B3GALT1: variants seen among roughly 807,000 people sequenced by gnomAD.
The protein encoded by B3GALT1 is beta-1,3-galactosyltransferase 1.
A neutral mutation model predicts 23.2 loss-of-function variants in B3GALT1; 10 were observed. The observed-to-expected ratio is 0.43, with a 90% confidence interval of 0.27 to 0.73. The LOEUF (loss-of-function observed/expected upper bound fraction) is 0.73. B3GALT1 is among the 30% of genes least tolerant of loss of function. The pLI is 0.21. For synonymous variants in B3GALT1, 156 were observed against 141.5 expected (o/e 1.10, Z -0.73); for missense variants, 299 against 405.4 (o/e 0.74, Z 2.25).
chr2:167,805,570 T>A (rs1017697259), intron 3 of B3GALT1, among the ~76,000 whole-genome samples: 5 of 152,336 alleles, frequency 3.3e-5, no homozygotes, highest in Non-Finnish European at 7.3e-5. Context: ...CCCAGCACCA[T>A]TTATTAAATA....
intron 1 of B3GALT1, among the ~76,000 whole-genome samples, chr2:167,466,713 A>G (rs564011662): frequency 9.8e-6 from 1 of 101,840 alleles, no homozygotes; most frequent in African/African-American, 3.5e-5. Context: ...TTTAACTATT[A>G]TCACTCTTTT....
intron 1 of B3GALT1, among the ~76,000 whole-genome samples, chr2:167,375,968 A>G (rs1176136761): frequency 1.3e-5 from 2 of 152,110 alleles, no homozygotes; most frequent in African/African-American, 4.8e-5. Flanking sequence ...TTTGTCATAG[A>G]TGGCTCTTAC....
At chr2:167,298,305 G>A (rs897472094) in intron 1 of B3GALT1, among the ~76,000 whole-genome samples, 6 of 152,086 alleles carry the variant, frequency 3.9e-5, no homozygotes, top group African/African-American at 1.4e-4. Context: ...ATTTGTTAAC[G>A]ATGAAGTATA....
At chr2:167,791,635 G>A (rs1688439336) in intron 3 of B3GALT1, among the ~76,000 whole-genome samples, 2 of 152,170 alleles carry the variant, frequency 1.3e-5, no homozygotes, top group African/African-American at 4.8e-5. Context: ...CATGTGCCCA[G>A]AGGATCCTGT....
chr2:167,474,358 A>G (rs1015202353), intron 1 of B3GALT1, among the ~76,000 whole-genome samples: 3 of 152,170 alleles, frequency 2.0e-5, no homozygotes, highest in African/African-American at 7.2e-5. Flanking sequence ...ATTGTCATCT[A>G]TCCTTTCCCT....
At chr2:167,369,727 A>G (rs1315741053) in intron 1 of B3GALT1, among the ~76,000 whole-genome samples, 1 of 152,208 alleles carries the variant, frequency 6.6e-6, no homozygotes, top group Non-Finnish European at 1.5e-5. Context: ...TCAATACGGC[A>G]TGTGCAGCAG....
intron 3 of B3GALT1, among the ~76,000 whole-genome samples, chr2:167,777,917 A>G (rs6753467): frequency 0.97 from 147,537 of 151,744 alleles, 71,875 homozygotes; most frequent in East Asian, 1. Context: ...TGTCACATCC[A>G]ACAGGAAGCA....
chr2:167,808,976 T>C (rs1688820963), intron 3 of B3GALT1, among the ~76,000 whole-genome samples: 1 of 152,142 alleles, frequency 6.6e-6, no homozygotes, highest in Non-Finnish European at 1.5e-5. Flanking sequence ...GGAGGCTTTG[T>C]TTGTTTCTTT....
At chr2:167,631,239 T>G (rs1255250731) in intron 2 of B3GALT1, among the ~76,000 whole-genome samples, 1 of 151,874 alleles carries the variant, frequency 6.6e-6, no homozygotes, top group East Asian at 1.9e-4. Flanking sequence ...AAACCAATGA[T>G]TCTGTGCAGA....
chr2:167,833,756 G>A (rs1485302190), intron 4 of B3GALT1, among the ~76,000 whole-genome samples: 1 of 152,092 alleles, frequency 6.6e-6, no homozygotes, highest in East Asian at 1.9e-4. Context: ...TACACAAATA[G>A]CTATTCTATC....
chr2:167,667,089 T>A (rs1309074738), intron 3 of B3GALT1, among the ~76,000 whole-genome samples: 2 of 152,152 alleles, frequency 1.3e-5, no homozygotes, highest in African/African-American at 2.4e-5. Context: ...CGGCTGGTAC[T>A]GGTTGTTCCC....
rs367973166 is a variant in B3GALT1 at position 167,555,425 on chromosome 2, G to A, written c.-410+65148G>A. ...TTCTTTCCACTATCCCGTGTTACTA[G>A]GATAAAGTAAAATTCAATCTTTTAT... On this transcript the variant is annotated intron_variant, in intron 2 of 4. Transcript: ENST00000392690. 3.3e-5 allele frequency among the ~76,000 whole-genome samples: 5 copies of A among 152,232 alleles called. No individual in the cohort carries two copies. In the East Asian group the frequency reaches 5.8e-4, roughly 18 times the overall value.
chr2:167,765,767 T>A lies in B3GALT1; in HGVS notation c.-351-52905T>A, dbSNP rs189388187. Among the ~76,000 whole-genome samples the A allele has an allele frequency of 1.1e-3, 170 of 152,346 alleles. 1 individual carries two copies. Among genetic ancestry groups the A allele is most frequent in the Non-Finnish European group, 2.0e-3 (139 of 68,026 alleles). ...CTCTGATAATGTGTGTTAGGAAATG[T>A]CTTTTCTTCATCAGATGAAGATAAA... is the stretch of plus-strand genomic sequence containing the variant. On this transcript the variant is annotated intron_variant, in intron 3 of 4. Coordinates refer to ENST00000392690, the MANE Select transcript of B3GALT1 (RefSeq NM_020981.4).
chr2:167,424,177 C>T (rs1187861211), intron 1 of B3GALT1, among the ~76,000 whole-genome samples: 1 of 151,958 alleles, frequency 6.6e-6, no homozygotes, highest in Non-Finnish European at 1.5e-5. Flanking sequence ...AGTACACATG[C>T]CATAAGTGAA....
At chr2:167,492,497 G>C (rs938193468) in intron 2 of B3GALT1, among the ~76,000 whole-genome samples, 4 of 152,092 alleles carry the variant, frequency 2.6e-5, no homozygotes, top group African/African-American at 4.8e-5. Context: ...ATATACAAAG[G>C]AGTATTATGA....
chr2:167,440,860 T>C (rs1231169433), intron 1 of B3GALT1, among the ~76,000 whole-genome samples: 1 of 152,192 alleles, frequency 6.6e-6, no homozygotes, highest in Non-Finnish European at 1.5e-5. Context: ...ATTTGATCTT[T>C]TTTTCATTTT....
Position 167,592,437 on chromosome 2 carries a change from G to T in B3GALT1, c.-409-54472G>T, listed in dbSNP as rs79871640. On this transcript the variant is annotated intron_variant, in intron 2 of 4. Transcript: ENST00000392690. ...ATGTCTTTATCAGCCCACTTTCTATGGCTGCAGGTTTGTGGACATAGAAAT... is the reference window on the plus strand; with the variant it reads ...ATGTCTTTATCAGCCCACTTTCTATTGCTGCAGGTTTGTGGACATAGAAAT... Among the ~76,000 whole-genome samples the T allele has an allele frequency of 2.2e-3, 332 of 152,242 alleles. 2 individuals are homozygous for T. In the East Asian group the frequency reaches 0.034, roughly 16 times the overall value.
At chr2:167,718,689 G>A (rs1687188309) in intron 3 of B3GALT1, among the ~76,000 whole-genome samples, 1 of 152,194 alleles carries the variant, frequency 6.6e-6, no homozygotes, top group Non-Finnish European at 1.5e-5. Flanking sequence ...ATAAAGAGTT[G>A]CGCAGAAGTG....
At chr2:167,631,907 G>C (rs1270639915) in intron 2 of B3GALT1, among the ~76,000 whole-genome samples, 1 of 150,320 alleles carries the variant, frequency 6.7e-6, no homozygotes, top group Non-Finnish European at 1.5e-5. Context: ...CATCAACTCA[G>C]CTACATTAGG....
Sources: allele counts gnomAD v4.1 joint callset (sites outside exome capture counted in the v4.1 genomes callset), GRCh38; gene constraint gnomAD v4.1.1; transcripts MANE v1.5; gene names NCBI Gene and HGNC (gene_info 2026-07-23, HGNC 2026-07-21).